XYLB: variants seen among roughly 807,000 people sequenced by gnomAD.
The protein encoded by XYLB is xylulose kinase.
In XYLB, 62 loss-of-function variants were observed where a neutral mutation model predicts 78.7. That is an observed-to-expected ratio of 0.79 (90% CI 0.64 to 0.97). The LOEUF is 0.97. Among genes scored for constraint, XYLB ranks in the 50% least tolerant of loss-of-function variants. The pLI is 0.00. For missense variants in XYLB, 687 were observed against 676.8 expected (o/e 1.02, Z -0.17); for synonymous variants, 245 against 247.4 (o/e 0.99, Z 0.09).
At chr3:38,375,325 T>C (rs937307437) in intron 12 of XYLB, 66 bp downstream of exon 12, 1 of 1,385,050 alleles carries the variant, frequency 7.2e-7, no homozygotes, top group Non-Finnish European at 1.0e-6. Flanking sequence ...TGGCACCATC[T>C]TGAGGACCCC....
chr3:38,391,329 A>G (rs1707646904), intron 15 of XYLB, among the ~76,000 whole-genome samples: 1 of 152,128 alleles, frequency 6.6e-6, no homozygotes, highest in Non-Finnish European at 1.5e-5. Context: ...CCCTGCAGAG[A>G]TCATTTCTAT....
At chr3:38,399,550 A>G (rs1445577309) in intron 17 of XYLB, among the ~76,000 whole-genome samples, 3 of 152,150 alleles carry the variant, frequency 2.0e-5, no homozygotes, top group African/African-American at 7.2e-5. Context: ...AAAAGACTCT[A>G]TGTTCAAAAT....
intron 2 of XYLB, among the ~76,000 whole-genome samples, chr3:38,358,357 G>GTGTGCT (rs774476552): frequency 1.1e-5 from 1 of 90,110 alleles, no homozygotes; most frequent in African/African-American, 4.5e-5. Flanking sequence ...GTGTGTGTGT[G>GTGTGCT]TTTGAGACAG....
In XYLB at chr3:38,368,176, C is replaced by G; in HGVS notation, c.574-9C>G. 6.2e-7 allele frequency: 1 copy of G among 1,613,776 alleles called. No individual in the cohort carries two copies. The highest frequency in any genetic ancestry group is 8.5e-7 in the Non-Finnish European group (1 of 1,179,740). Reference sequence around the variant, plus strand: ...GTGAGGCACCTCTCACTGTTTCTTTCCTTTACAGAGAATTTCTTTGGTCAG... The same window carrying G: ...GTGAGGCACCTCTCACTGTTTCTTTGCTTTACAGAGAATTTCTTTGGTCAG... On this transcript the variant is annotated splice_polypyrimidine_tract_variant and intron_variant, in intron 7 of 18. Coordinates refer to ENST00000207870, the MANE Select transcript of XYLB (RefSeq NM_005108.4).
chr3:38,376,770 T>A, intron 13 of XYLB, 148 bp from the exon 14 acceptor site: 1 of 626,602 alleles, frequency 1.6e-6, no homozygotes, highest in Middle Eastern at 2.6e-4. Context: ...GAGAAGGAAC[T>A]GAGAATATTC....
chr3:38,420,726 C>CTT (rs34716648), downstream of XYLB, among the ~76,000 whole-genome samples: 888 of 150,796 alleles, frequency 5.9e-3, 6 homozygotes, highest in African/African-American at 0.02. Flanking sequence ...GAATATCCCC[C>CTT]TTTTTTTTTG....
intron 18 of XYLB, among the ~76,000 whole-genome samples, chr3:38,401,714 AG>A (rs1708129576): frequency 1.3e-5 from 2 of 152,278 alleles, no homozygotes; most frequent in African/African-American, 4.8e-5. Flanking sequence ...TTATAGCTAA[AG>A]CAGTCTCCAA....
At chr3:38,403,912 C>T (rs996715399) in intron 18 of XYLB, among the ~76,000 whole-genome samples, 4 of 152,046 alleles carry the variant, frequency 2.6e-5, no homozygotes, top group African/African-American at 4.8e-5. Context: ...GCCCACCCAA[C>T]AGCAGGTTGC....
At chr3:38,418,583 T>C (rs1409803982), downstream of XYLB, among the ~76,000 whole-genome samples, 2 of 152,234 alleles carry the variant, frequency 1.3e-5, no homozygotes, top group African/African-American at 4.8e-5. Context: ...ACAGATTGAA[T>C]AGATTATAAT....
intron 15 of XYLB, among the ~76,000 whole-genome samples, chr3:38,390,397 A>G (rs1707597266): frequency 6.6e-6 from 1 of 152,068 alleles, no homozygotes; most frequent in African/African-American, 2.4e-5. Flanking sequence ...TATTTTTAGT[A>G]GAGACGGGGT....
intron 14 of XYLB, among the ~76,000 whole-genome samples, chr3:38,378,790 G>A (rs1257721682): frequency 6.7e-6 from 1 of 149,726 alleles, no homozygotes; most frequent in Non-Finnish European, 1.5e-5. Context: ...ACAGGGGTGG[G>A]ATCTCAGCGT....
the XYLB span, chr3:38,452,871 G>A: frequency 5.3e-5 from 8 of 152,264 alleles, no homozygotes; most frequent in African/African-American, 1.9e-4. Context: ...GAGACCTCCA[G>A]GTGCCACCTC....
At chr3:38,399,322 C>T (rs1708026901) in intron 17 of XYLB, among the ~76,000 whole-genome samples, 1 of 152,004 alleles carries the variant, frequency 6.6e-6, no homozygotes, top group South Asian at 2.1e-4. Flanking sequence ...AACTCGAACT[C>T]CTGGGCTCAA....
At chr3:38,448,749 A>G in the XYLB span, among the ~76,000 whole-genome samples, 32 of 152,368 alleles carry the variant, frequency 2.1e-4, no homozygotes, top group African/African-American at 7.2e-4. Flanking sequence ...TGAGGTTTAC[A>G]ATAGCCTTTA....
chr3:38,451,529 G>A, the XYLB span: 1 of 152,266 alleles, frequency 6.6e-6, no homozygotes, highest in Admixed American at 6.5e-5. Context: ...GCTGCGGCAG[G>A]AGAATCACTT....
intron 2 of XYLB, among the ~76,000 whole-genome samples, chr3:38,358,338 TGTGTGTGTGTGTGTGTGTG>T (rs1705784021): frequency 1.3e-5 from 1 of 79,562 alleles, no homozygotes; most frequent in African/African-American, 3.4e-5. Context: ...TGTGTGTGTG[TGTGTGTGTGTGTGTGTGTG>T]TTTGAGACAG....
the XYLB span, among the ~76,000 whole-genome samples, chr3:38,447,912 C>T: frequency 3.3e-5 from 5 of 151,956 alleles, no homozygotes; most frequent in African/African-American, 7.3e-5. Flanking sequence ...AAATACTATT[C>T]GGCCATTAAA....
the XYLB span, among the ~76,000 whole-genome samples, chr3:38,442,045 T>C: frequency 7.9e-5 from 12 of 152,198 alleles, no homozygotes; most frequent in African/African-American, 2.9e-4. Context: ...TAGAGTGGTC[T>C]GGCCATCTCG....
chr3:38,400,545 G>A (rs1708078575), intron 17 of XYLB, among the ~76,000 whole-genome samples: 1 of 152,086 alleles, frequency 6.6e-6, no homozygotes, highest in Admixed American at 6.6e-5. Flanking sequence ...GGAGAGAGGA[G>A]GGGCAGGCAG....
Sources: gnomAD v4.1 joint callset for allele counts (sites outside exome capture counted in the v4.1 genomes callset) on GRCh38, gnomAD v4.1.1 for gene constraint, MANE v1.5 for transcripts, NCBI Gene and HGNC (gene_info 2026-07-23, HGNC 2026-07-21) for gene names.